C4orf36: variants seen among roughly 807,000 people sequenced by gnomAD.
C4orf36 encodes uncharacterized protein C4orf36.
C4orf36 carries 11 observed loss-of-function variants against 12.2 expected under a neutral mutation model. The ratio of observed to expected loss-of-function variants is 0.90; its 90% CI spans 0.57 to 1.49. C4orf36 has a LOEUF of 1.49. C4orf36 is among the 40% of genes most tolerant of loss of function. The pLI, the probability that C4orf36 is intolerant of heterozygous loss-of-function variation, is 0.00. For missense variants in C4orf36, 137 were observed against 133.9 expected (o/e 1.02, Z -0.11); for synonymous variants, 54 against 51.3 (o/e 1.05, Z -0.22).
upstream of C4orf36, among the ~76,000 whole-genome samples, chr4:86,892,589 G>A (rs533276175): frequency 5.9e-4 from 90 of 152,372 alleles, no homozygotes; most frequent in African/African-American, 2.1e-3. Context: ...CAGCCAGAGA[G>A]GGCTGTAAGC....
chr4:86,922,353 G>A, the C4orf36 span, among the ~76,000 whole-genome samples: 1 of 152,138 alleles, frequency 6.6e-6, no homozygotes, highest in Non-Finnish European at 1.5e-5. Context: ...CATACATATA[G>A]AGCATGAATG....
At chr4:86,890,203 GAGGGAGGA>G (rs777086674) in intron 2 of C4orf36, 4,520 of 200,838 alleles carry the variant, frequency 0.023, 84 homozygotes, top group Middle Eastern at 0.042. Context: ...GGGAGGGAGG[GAGGGAGGA>G]AGGAAGGAAG....
At chr4:86,889,455 ATT>A (rs1444742192) in intron 2 of C4orf36, among the ~76,000 whole-genome samples, 2 of 152,200 alleles carry the variant, frequency 1.3e-5, no homozygotes, top group African/African-American at 4.8e-5. Flanking sequence ...GATTGTGTCG[ATT>A]TGGAAAGATA....
At chr4:86,884,786 T>C (rs1339509280) in intron 4 of C4orf36, among the ~76,000 whole-genome samples, 2 of 152,218 alleles carry the variant, frequency 1.3e-5, no homozygotes, top group Non-Finnish European at 2.9e-5. Context: ...CATGCCTATG[T>C]CCTGAATGGT....
At chr4:86,894,701 C>G (rs188461964), upstream of C4orf36, among the ~76,000 whole-genome samples, 4 of 152,308 alleles carry the variant, frequency 2.6e-5, no homozygotes, top group Admixed American at 1.3e-4. Context: ...TGTATGACTT[C>G]TGAGATAAGG....
the C4orf36 span, among the ~76,000 whole-genome samples, chr4:86,910,052 TAAA>T: frequency 5.3e-5 from 8 of 151,826 alleles, no homozygotes; most frequent in East Asian, 7.7e-4. Flanking sequence ...GAGACTGAAA[TAAA>T]GAAGTAGAAG....
chr4:86,877,018 T>A (rs549237332), intron 4 of C4orf36, among the ~76,000 whole-genome samples: 1 of 152,352 alleles, frequency 6.6e-6, no homozygotes, highest in African/African-American at 2.4e-5. Context: ...GTATTATCCC[T>A]GAGACTAGAT....
intron 4 of C4orf36, chr4:86,887,475 T>G: frequency 3.5e-6 from 1 of 288,662 alleles, no homozygotes; most frequent in Non-Finnish European, 6.4e-6. Flanking sequence ...TTCCTCTTCT[T>G]TTAGTGCAAT....
Position 86,887,960 on chromosome 4 carries a change from G to C in C4orf36, c.221-67C>G. The C allele has an allele frequency of 5.0e-6, 8 of 1,593,358 alleles. No homozygotes were observed. The South Asian group carries it at 9.0e-5, about 18-fold the overall frequency. Reference sequence around the variant, plus strand: ...CATCAGGCATAACTAAGTCAAAACTGAATATCATACAGCAAAATCCATATG... The same window carrying C: ...CATCAGGCATAACTAAGTCAAAACTCAATATCATACAGCAAAATCCATATG... On this transcript the variant is annotated intron_variant, in intron 3 of 4. Coordinates refer to ENST00000295898, the MANE Select transcript of C4orf36 (RefSeq NM_144645.4).
chr4:86,917,903 A>C, the C4orf36 span, among the ~76,000 whole-genome samples: 1 of 152,368 alleles, frequency 6.6e-6, no homozygotes, highest in Non-Finnish European at 1.5e-5. Flanking sequence ...TAGAAAAGAT[A>C]ATGTGTTGCA....
At chr4:86,903,734 G>A in the C4orf36 span, among the ~76,000 whole-genome samples, 2 of 152,172 alleles carry the variant, frequency 1.3e-5, no homozygotes, top group African/African-American at 4.8e-5. Context: ...ACATCCTGCT[G>A]ATTGGTCCAT....
Position 86,888,230 on chromosome 4 carries a change from T to C in C4orf36, c.111A>G (p.Thr37=), listed in dbSNP as rs932244800. ...DIALLAKTWS[T]NLANIKLPFL... is the part of the protein sequence containing the mutation. The stretch of plus-strand genomic sequence containing the variant: ...AAGGCAACTTGATATTGGCTAGGTT[T>C]GTGGACCAGGTCTTTGCAAGCAATG... The change falls in exon 3 of 5, where the codon ACA becomes ACG. Residue 37 remains threonine (T), a synonymous_variant. Coordinates refer to ENST00000295898, the MANE Select transcript of C4orf36 (RefSeq NM_144645.4). The C allele has an allele frequency of 6.2e-7, 1 of 1,614,176 alleles. No homozygotes were observed. The highest frequency in any genetic ancestry group is 1.7e-5 in the Admixed American group (1 of 60,032).
At chr4:86,888,301 TC>T in intron 2 of C4orf36, 26 bp from the exon 3 acceptor site, 1 of 1,604,762 alleles carries the variant, frequency 6.2e-7, no homozygotes, top group Non-Finnish European at 8.5e-7. Context: ...ATTAATCCAT[TC>T]AATAAATATT....
chr4:86,904,571 ACT>A, the C4orf36 span, among the ~76,000 whole-genome samples: 3 of 113,054 alleles, frequency 2.7e-5, no homozygotes, highest in African/African-American at 7.1e-5. Flanking sequence ...ACAGAGCAAG[ACT>A]CTGTCTCAAA....
At chr4:86,900,818 TG>T in the C4orf36 span, among the ~76,000 whole-genome samples, 1 of 152,144 alleles carries the variant, frequency 6.6e-6, no homozygotes, top group African/African-American at 2.4e-5. Context: ...CCAAACTGCC[TG>T]GGTTTGGATC....
chr4:86,923,373 G>A, the C4orf36 span, among the ~76,000 whole-genome samples: 23 of 152,180 alleles, frequency 1.5e-4, no homozygotes, highest in South Asian at 1.7e-3. Flanking sequence ...TTACAGGCAT[G>A]AGCCCTTGTG....
chr4:86,919,736 A>G, the C4orf36 span, among the ~76,000 whole-genome samples: 2 of 152,152 alleles, frequency 1.3e-5, no homozygotes, highest in African/African-American at 2.4e-5. Context: ...TATTTTTCTT[A>G]GAAATTTGTT....
chr4:86,890,437 G>A (rs1747362213), intron 2 of C4orf36, among the ~76,000 whole-genome samples: 1 of 151,654 alleles, frequency 6.6e-6, no homozygotes, highest in Non-Finnish European at 1.5e-5. Flanking sequence ...GTATACATGT[G>A]TGTATGTGTC....
chr4:86,892,519 G>A (rs1037108577), upstream of C4orf36: 7 of 948,504 alleles, frequency 7.4e-6, no homozygotes, highest in Non-Finnish European at 8.8e-6. Flanking sequence ...GACGCGCCCC[G>A]CGGGGTCCGC....
Sources: gnomAD v4.1 joint callset for allele counts (sites outside exome capture counted in the v4.1 genomes callset) on GRCh38, gnomAD v4.1.1 for gene constraint, MANE v1.5 for transcripts, NCBI Gene and HGNC (gene_info 2026-07-23, HGNC 2026-07-21) for gene names.